The following CACNB2 variants were observed in gnomAD, a reference collection of about 807,000 sequenced individuals.
CACNB2 encodes calcium voltage-gated channel auxiliary subunit beta 2, also known as voltage-dependent L-type calcium channel subunit beta-2.
CACNB2 carries 42 observed loss-of-function variants against 73.3 expected under a neutral mutation model. That is an observed-to-expected ratio of 0.57 (90% CI 0.45 to 0.74). The LOEUF is 0.74. Ranked by LOEUF, CACNB2 falls within the 30% of genes least tolerant of loss-of-function variation. CACNB2 has a pLI of 0.00. For missense variants in CACNB2, 940 were observed against 853.0 expected (o/e 1.10, Z -1.27); for synonymous variants, 348 against 310.3 (o/e 1.12, Z -1.28).
At chr10:18,488,906 G>A (rs181050091) in intron 3 of CACNB2, among the ~76,000 whole-genome samples, 67 of 152,048 alleles carry the variant, frequency 4.4e-4, no homozygotes, top group African/African-American at 1.6e-3. Context: ...AGCCGGGTAC[G>A]GTGGCTCATG....
At chr10:18,197,940 G>C (rs992587345) in intron 2 of CACNB2, among the ~76,000 whole-genome samples, 1 of 147,420 alleles carries the variant, frequency 6.8e-6, no homozygotes, top group African/African-American at 2.5e-5. Flanking sequence ...TTAATATATA[G>C]TCAATTAATT....
At chr10:18,396,166 C>T (rs376305664) in intron 2 of CACNB2, among the ~76,000 whole-genome samples, 15 of 151,676 alleles carry the variant, frequency 9.9e-5, no homozygotes, top group African/African-American at 3.4e-4. Context: ...CATGTTGCCC[C>T]GGCTGGTCTT....
intron 2 of CACNB2, among the ~76,000 whole-genome samples, chr10:18,357,342 C>T (rs2041963594): frequency 6.6e-6 from 1 of 152,132 alleles, no homozygotes. Flanking sequence ...TTTTTAAAAA[C>T]CATTTGGGTC....
At chr10:18,323,812 C>T (rs73603722) in intron 2 of CACNB2, among the ~76,000 whole-genome samples, 14,758 of 152,206 alleles carry the variant, frequency 0.097, 813 homozygotes, top group Non-Finnish European at 0.11. Context: ...CCTATTTTCT[C>T]CATCCAGAAA....
At chr10:18,158,331 C>T (rs907843390) in intron 2 of CACNB2, among the ~76,000 whole-genome samples, 6 of 152,154 alleles carry the variant, frequency 3.9e-5, no homozygotes, top group South Asian at 4.2e-4. Flanking sequence ...TAATTTATTA[C>T]GGAGAACAAA....
intron 2 of CACNB2, among the ~76,000 whole-genome samples, chr10:18,395,946 A>G (rs2043693282): frequency 6.6e-6 from 1 of 152,092 alleles, no homozygotes; most frequent in South Asian, 2.1e-4. Flanking sequence ...TCATCAGTAC[A>G]TAGTTGATGA....
At chr10:18,444,094 G>A (rs899759946) in intron 3 of CACNB2, among the ~76,000 whole-genome samples, 4 of 152,126 alleles carry the variant, frequency 2.6e-5, no homozygotes, top group African/African-American at 9.7e-5. Context: ...CCCTGCTGTG[G>A]TCTAAATGTT....
chr10:18,474,747 C>T (rs1048842773), intron 3 of CACNB2, among the ~76,000 whole-genome samples: 6 of 152,028 alleles, frequency 3.9e-5, no homozygotes, highest in African/African-American at 1.4e-4. Context: ...ACTCTCAATT[C>T]TTCCAACAAC....
At position 18,274,208 on chromosome 10, in the gene CACNB2, G is replaced by T. The variant is rs541874384; in HGVS notation, c.213+123233G>T. ...AATCAACCCGACTACTTATTTTGAT[G>T]AAAATAAATGTCAGTCCAGAAAAAA... On this transcript the variant is annotated intron_variant, in intron 2 of 13. Transcript: ENST00000324631. 4.6e-5 allele frequency among the ~76,000 whole-genome samples: 6 copies of T among 131,544 alleles called. No homozygotes were observed. The South Asian group carries it at 1.1e-3, about 24-fold the overall frequency. The allele number at this position is 131,544 out of a possible 152,430, so 86.3% of individuals were successfully genotyped here. A position where few individuals can be genotyped will look rare whatever the true frequency, so the allele number is the denominator to read the frequency against.
chr10:18,514,918 G>C, intron 7 of CACNB2: 1 of 1,114,092 alleles, frequency 9.0e-7, no homozygotes. Context: ...TACATAGCTT[G>C]TACTAAAAAA....
At position 18,539,760 on chromosome 10, in the gene CACNB2, G is replaced by GT; in HGVS notation, c.*36_*37insT. On this transcript the variant is annotated 3_prime_UTR_variant, in exon 14 of 14. Transcript: ENST00000324631. ...TTTGTGTTTTTTTTTTTTTTTTTTT[G>GT]AAGTCTTGTATAACTAACAGCATCC... 2 of 1,289,438 alleles carry GT rather than the reference G, an allele frequency of 1.6e-6. No homozygotes were observed. Among genetic ancestry groups the GT allele is most frequent in the Non-Finnish European group, 2.1e-6 (2 of 958,670 alleles). The allele number at this position is 1,289,438 out of a possible 1,614,324, so 79.9% of individuals were successfully genotyped here.
intron 3 of CACNB2, among the ~76,000 whole-genome samples, chr10:18,467,546 G>A (rs1044043564): frequency 6.6e-6 from 1 of 152,232 alleles, no homozygotes; most frequent in African/African-American, 2.4e-5. Context: ...AACAGTAGAT[G>A]TCAGATGCCA....
At chr10:18,528,487 C>T (rs547026740) in intron 10 of CACNB2, among the ~76,000 whole-genome samples, 79 of 152,216 alleles carry the variant, frequency 5.2e-4, no homozygotes, top group African/African-American at 1.9e-3. Context: ...TGTGTCAGAT[C>T]TTTGAGCTTA....
intron 3 of CACNB2, among the ~76,000 whole-genome samples, chr10:18,443,000 GTATATATATATATGTATATATATATATA>G (rs1480557317): frequency 2.6e-4 from 1 of 3,790 alleles, no homozygotes; most frequent in African/African-American, 1.9e-3. Flanking sequence ...ATATATATGT[GTATATATATATATGTATATATATATATA>G]TATATATAAA....
chr10:18,478,829 G>A (rs1162381946), intron 3 of CACNB2, among the ~76,000 whole-genome samples: 1 of 152,140 alleles, frequency 6.6e-6, no homozygotes, highest in Non-Finnish European at 1.5e-5. Flanking sequence ...TTAACAGGGA[G>A]GGGAAGCAGA....
chr10:18,500,835 A>C lies in CACNB2; in HGVS notation c.480A>C (p.Ile160=). The change falls in exon 5 of 14, where the codon ATA becomes ATC. Residue 160 remains isoleucine, a synonymous_variant. Coordinates refer to ENST00000324631, the MANE Select transcript of CACNB2 (RefSeq NM_201596.3). ...VKEKFNNDWW[I]GRLVKEGCEI... is the part of the protein sequence containing the mutation. ...AGAAATTTAACAATGACTGGTGGAT[A>C]GGGCGATTGGTAAAAGAAGGCTGTG... 1 of 1,614,032 alleles carries C rather than the reference A, an allele frequency of 6.2e-7. No individual in the cohort carries two copies. The highest frequency in any genetic ancestry group is 8.5e-7 in the Non-Finnish European group (1 of 1,179,914).
intron 2 of CACNB2, among the ~76,000 whole-genome samples, chr10:18,307,533 A>G (rs1263252621): frequency 1.3e-5 from 2 of 152,186 alleles, no homozygotes; most frequent in African/African-American, 4.8e-5. Flanking sequence ...TTTGTTTTTT[A>G]ATCCCCACTT....
intron 2 of CACNB2, among the ~76,000 whole-genome samples, chr10:18,202,265 G>A (rs1225003404): frequency 6.6e-6 from 1 of 152,302 alleles, no homozygotes; most frequent in East Asian, 1.9e-4. Flanking sequence ...CCCTTGGGTG[G>A]TGTCAAGCAG....
chr10:18,179,105 A>G (rs1040837044), intron 2 of CACNB2, among the ~76,000 whole-genome samples: 18 of 152,228 alleles, frequency 1.2e-4, no homozygotes, highest in African/African-American at 4.3e-4. Context: ...AGTAACCACA[A>G]ACGCTTTTAT....
Sources: gnomAD v4.1 joint callset for allele counts (sites outside exome capture counted in the v4.1 genomes callset) on GRCh38, gnomAD v4.1.1 for gene constraint, MANE v1.5 for transcripts, NCBI Gene and HGNC (gene_info 2026-07-23, HGNC 2026-07-21) for gene names.